NUDT5: variants seen among roughly 807,000 people sequenced by gnomAD.
The protein encoded by NUDT5 is nudix hydrolase 5.
Under a neutral mutation model 34.1 loss-of-function variants are expected in NUDT5, and 21 were observed. The observed-to-expected ratio is 0.62, with a 90% CI of 0.44 to 0.89. The LOEUF is 0.89. Ranked by LOEUF, NUDT5 falls within the 40% of genes least tolerant of loss-of-function variation. NUDT5 has a pLI of 0.00. For synonymous variants in NUDT5, 85 were observed against 97.6 expected, an observed-to-expected ratio of 0.87 and a Z score of 0.76; for missense variants, 249 against 274.8, an observed-to-expected ratio of 0.91 and a Z score of 0.66.
intron 4 of NUDT5, 50 bp from the exon 5 acceptor site, chr10:12,177,950 T>C (rs369010029): frequency 5.8e-6 from 8 of 1,368,960 alleles, no homozygotes; most frequent in South Asian, 3.5e-5. Flanking sequence ...AGGTCAGCAA[T>C]GCCAGCACAT....
chr10:12,186,829 G>A (rs185081316), intron 1 of NUDT5, among the ~76,000 whole-genome samples: 185 of 151,972 alleles, frequency 1.2e-3, no homozygotes, highest in African/African-American at 3.6e-3. Context: ...GTTTCACCAC[G>A]TTGGCCATGC....
Position 12,186,239 on chromosome 10 carries a change from A to G in NUDT5, c.53T>C (p.Ile18Thr). 1.2e-6 allele frequency: 2 copies of G among 1,613,310 alleles called. No homozygotes were observed. Among genetic ancestry groups the G allele is most frequent in the Middle Eastern group, 1.6e-4 (1 of 6,062 alleles). The stretch of plus-strand genomic sequence containing the variant: ...AAAAACAAGTTATACCTCCTCTGAA[A>G]TGATATACTGTTTGCCATTCTGAGA... ...ESSQNGKQYI[I>T]SEELISEGKW... Residue 18 changes from isoleucine to threonine, a missense_variant, in exon 2 of 10, where the codon ATT becomes ACT. Coordinates refer to ENST00000491614, the MANE Select transcript of NUDT5 (RefSeq NM_014142.4).
chr10:12,189,872 A>G (rs1246376879), intron 1 of NUDT5, among the ~76,000 whole-genome samples: 1 of 150,942 alleles, frequency 6.6e-6, no homozygotes, highest in Non-Finnish European at 1.5e-5. Flanking sequence ...AGATACATGT[A>G]CACGATGTTG....
intron 4 of NUDT5, among the ~76,000 whole-genome samples, chr10:12,178,303 G>C (rs897554736): frequency 1.4e-4 from 22 of 151,824 alleles, no homozygotes; most frequent in Non-Finnish European, 8.8e-5. Context: ...AATCAAGTAA[G>C]TTCCACTGTC....
chr10:12,188,562 C>G (rs1406898420), intron 1 of NUDT5, among the ~76,000 whole-genome samples: 2 of 151,978 alleles, frequency 1.3e-5, no homozygotes, highest in East Asian at 1.9e-4. Flanking sequence ...GAAACCCTGT[C>G]TCTACTAAAA....
intron 2 of NUDT5, among the ~76,000 whole-genome samples, chr10:12,185,627 G>A (rs927285914): frequency 2.0e-5 from 3 of 152,220 alleles, no homozygotes; most frequent in Admixed American, 2.0e-4. Context: ...TTCACTTCTT[G>A]CCAGCAGCAA....
intron 1 of NUDT5, among the ~76,000 whole-genome samples, chr10:12,188,146 C>T (rs1393661117): frequency 2.0e-5 from 3 of 151,956 alleles, no homozygotes; most frequent in Non-Finnish European, 4.4e-5. Flanking sequence ...CACCTAACTT[C>T]GGCTTCAAAG....
chr10:12,184,463 C>T (rs1299947047), intron 3 of NUDT5: 36 of 1,541,328 alleles, frequency 2.3e-5, no homozygotes, highest in Non-Finnish European at 3.1e-5. Flanking sequence ...GTTTTTTTCC[C>T]AATTTGCATT....
intron 1 of NUDT5, among the ~76,000 whole-genome samples, chr10:12,195,231 T>A (rs1835313884): frequency 6.6e-6 from 1 of 152,158 alleles, no homozygotes; most frequent in Non-Finnish European, 1.5e-5. Context: ...CTTTGCTGGG[T>A]GACAGGAGTG....
chr10:12,167,454 T>TAA lies in NUDT5; in HGVS notation c.*246_*247dup. ...GCTGTAGTTAACTGCTGTTGAGCTT[T>TAA]AAAAAAATTGGAGTAAACATACTTG... On this transcript the variant is annotated 3_prime_UTR_variant, in exon 10 of 10. Coordinates refer to ENST00000491614, the MANE Select transcript of NUDT5 (RefSeq NM_014142.4). 1 of 396,600 alleles carries TAA rather than the reference T, an allele frequency of 2.5e-6. No homozygotes were observed. Among genetic ancestry groups the TAA allele is most frequent in the Non-Finnish European group, 4.6e-6 (1 of 217,944 alleles). The allele number at this position is 396,600 out of a possible 1,614,324, so 24.6% of individuals were successfully genotyped here.
At position 12,186,225 on chromosome 10, in the gene NUDT5, A is replaced by T; in HGVS notation, c.63+4T>A. On this transcript the variant is annotated splice_donor_region_variant and intron_variant, in intron 2 of 9. Transcript: ENST00000491614. Reference sequence around the variant, plus strand: ...GGGAAGGGAAAGTGAAAAACAAGTTATACCTCCTCTGAAATGATATACTGT... The same window carrying T: ...GGGAAGGGAAAGTGAAAAACAAGTTTTACCTCCTCTGAAATGATATACTGT... 1 of 1,609,446 alleles carries T rather than the reference A, an allele frequency of 6.2e-7. No homozygotes were observed. Among genetic ancestry groups the T allele is most frequent in the Non-Finnish European group, 8.5e-7 (1 of 1,175,714 alleles).
Position 12,169,435 on chromosome 10 carries a change from A to G in NUDT5, c.550+1282T>C. 1 of 762,680 alleles carries G rather than the reference A, an allele frequency of 1.3e-6. No homozygotes were observed. The highest frequency in any genetic ancestry group is 2.1e-6 in the Non-Finnish European group (1 of 479,178). 47.2% of individuals were successfully genotyped at this position (762,680 alleles called of 1,614,324 possible). A position where few individuals can be genotyped will look rare whatever the true frequency, so the allele number is the denominator to read the frequency against. On this transcript the variant is annotated intron_variant, in intron 9 of 9. Coordinates refer to ENST00000491614, the MANE Select transcript of NUDT5 (RefSeq NM_014142.4). The surrounding 1 kb of genome is among the most constrained non-coding windows in gnomAD (Gnocchi z 4.8). ...TTCCTGTTTTATGAAAAAAGCCGAGAGAGGCTACAGAACCTGTTTGATGTG... is the reference window on the plus strand; with the variant it reads ...TTCCTGTTTTATGAAAAAAGCCGAGGGAGGCTACAGAACCTGTTTGATGTG...
chr10:12,173,875 T>G lies in NUDT5; in HGVS notation c.290-62A>C. The G allele has an allele frequency of 8.2e-7, 1 of 1,217,018 alleles. No individual in the cohort carries two copies. The highest frequency in any genetic ancestry group is 1.2e-6 in the Non-Finnish European group (1 of 830,212). 75.4% of individuals were successfully genotyped at this position (1,217,018 alleles called of 1,614,324 possible). On this transcript the variant is annotated intron_variant, in intron 5 of 9. Coordinates refer to ENST00000491614, the MANE Select transcript of NUDT5 (RefSeq NM_014142.4). The surrounding 1 kb of genome is among the most constrained non-coding windows in gnomAD (Gnocchi z 4.7). ...AATCCGGTTCTTTAAACCCTCCTTT[T>G]TTTTTTTTTGAGATGGAGTCTCACT...
intron 4 of NUDT5, 99 bp downstream of exon 4, chr10:12,178,984 A>T: frequency 1.0e-6 from 1 of 988,806 alleles, no homozygotes; most frequent in Non-Finnish European, 1.6e-6. Flanking sequence ...TAAAGACACA[A>T]CATCCTAATA....
At chr10:12,177,679 A>T in intron 5 of NUDT5, 114 bp downstream of exon 5, 1 of 772,016 alleles carries the variant, frequency 1.3e-6, no homozygotes, top group Non-Finnish European at 2.2e-6. Flanking sequence ...GTTTAGTTTT[A>T]CTTAAAACCA....
chr10:12,193,371 G>A (rs889689919), intron 1 of NUDT5, among the ~76,000 whole-genome samples: 1 of 152,190 alleles, frequency 6.6e-6, no homozygotes, highest in African/African-American at 2.4e-5. Context: ...AGGATGATTA[G>A]TCATGCTATG....
rs1001696975 is a variant in NUDT5 at position 12,169,092 on chromosome 10, C to A, written c.551-1281G>T. ...AACTGATCTTAAAATGTAATACTTT[C>A]CTTCCGACTTCTCAAATGTTGCTGG... On this transcript the variant is annotated intron_variant, in intron 9 of 9. Transcript: ENST00000491614. The surrounding 1 kb of genome is among the most constrained non-coding windows in gnomAD (Gnocchi z 4.8). Among the ~76,000 whole-genome samples, 1 of 152,156 alleles carries A rather than the reference C, an allele frequency of 6.6e-6. No individual in the cohort carries two copies. The highest frequency in any genetic ancestry group is 2.4e-5 in the African/African-American group (1 of 41,444).
At chr10:12,194,797 A>G (rs1445057508) in intron 1 of NUDT5, among the ~76,000 whole-genome samples, 1 of 152,338 alleles carries the variant, frequency 6.6e-6, no homozygotes, top group African/African-American at 2.4e-5. Flanking sequence ...TTAAGGAGAT[A>G]CTTTTAGACG....
chr10:12,166,643 C>A lies in NUDT5; in HGVS notation c.*1059G>T. On this transcript the variant is annotated 3_prime_UTR_variant, in exon 10 of 10. Transcript: ENST00000491614. ...TCAGGGCCTGGCTTACCCGCTGGAGCCAGGCTAGAAACATGACTTAGGGCT... is the reference window on the plus strand; with the variant it reads ...TCAGGGCCTGGCTTACCCGCTGGAGACAGGCTAGAAACATGACTTAGGGCT... 2.2e-6 allele frequency: 1 copy of A among 453,806 alleles called. No homozygotes were observed. The allele number at this position is 453,806 out of a possible 1,614,324, so 28.1% of individuals were successfully genotyped here.
Sources: allele counts gnomAD v4.1 joint callset (sites outside exome capture counted in the v4.1 genomes callset), GRCh38; gene constraint gnomAD v4.1.1; non-coding constraint Gnocchi (gnomAD v3.1); transcripts MANE v1.5; gene names NCBI Gene and HGNC (gene_info 2026-07-23, HGNC 2026-07-21).